The following IQCM variants were observed in gnomAD, a reference collection of about 807,000 sequenced individuals.
The protein encoded by IQCM is IQ motif containing M, also known as IQ domain-containing protein M.
In IQCM, 45 loss-of-function variants were observed where a neutral mutation model predicts 57.6. The observed-to-expected ratio is 0.78, with a 90% CI of 0.62 to 1.00. IQCM has a LOEUF of 1.00. Ranked by LOEUF, IQCM falls within the 50% of genes least tolerant of loss-of-function variation. The pLI, the probability that IQCM is intolerant of heterozygous loss-of-function variation, is 0.00. For missense variants in IQCM, 468 were observed against 511.6 expected (o/e 0.91, Z 0.82); for synonymous variants, 148 against 158.9 (o/e 0.93, Z 0.51).
chr4:149,465,759 G>A (rs568184074), intron 12 of IQCM, among the ~76,000 whole-genome samples: 1 of 151,248 alleles, frequency 6.6e-6, no homozygotes, highest in Non-Finnish European at 1.5e-5. Flanking sequence ...TTTGTTTCTA[G>A]TTGGCCATGT....
At chr4:149,502,202 G>A (rs1370961996) in intron 12 of IQCM, among the ~76,000 whole-genome samples, 2 of 151,438 alleles carry the variant, frequency 1.3e-5, no homozygotes, top group East Asian at 3.9e-4. Context: ...TTTTCCCTAA[G>A]TACCTTATTA....
intron 8 of IQCM, among the ~76,000 whole-genome samples, chr4:149,593,440 C>T (rs1300941228): frequency 6.6e-6 from 1 of 152,006 alleles, no homozygotes; most frequent in Admixed American, 6.6e-5. Context: ...TAATTGAATA[C>T]CCTTTATTTC....
chr4:149,523,395 T>C (rs1745853483), intron 12 of IQCM, among the ~76,000 whole-genome samples: 1 of 151,880 alleles, frequency 6.6e-6, no homozygotes, highest in Non-Finnish European at 1.5e-5. Flanking sequence ...TTGAAAAAAA[T>C]CCTCAGGTTG....
At chr4:149,812,308 T>C (rs1297991484) in intron 2 of IQCM, among the ~76,000 whole-genome samples, 1 of 152,146 alleles carries the variant, frequency 6.6e-6, no homozygotes, top group East Asian at 1.9e-4. Context: ...ATTAGTTACA[T>C]GTTTTTTAAC....
At chr4:149,476,833 C>G (rs910652578) in intron 12 of IQCM, among the ~76,000 whole-genome samples, 3 of 152,156 alleles carry the variant, frequency 2.0e-5, no homozygotes, top group African/African-American at 7.2e-5. Flanking sequence ...AAAACCTTCT[C>G]CATCTCAGAT....
chr4:149,379,784 T>C (rs1284577696), intron 13 of IQCM, among the ~76,000 whole-genome samples: 1 of 152,144 alleles, frequency 6.6e-6, no homozygotes, highest in Non-Finnish European at 1.5e-5. Flanking sequence ...TGTTTTGAAA[T>C]GTGAAGATAT....
At position 149,553,342 on chromosome 4, in the gene IQCM, T is replaced by G. The variant is rs577172277; in HGVS notation, c.949-55A>C. On this transcript the variant is annotated intron_variant, in intron 10 of 13. Transcript: ENST00000636793. ...TTCTGGTATTTATATTTAATTTGAT[T>G]TCGCCTCTTTCATTTAGTCTATTTC... The G allele has an allele frequency of 3.4e-5, 41 of 1,197,488 alleles. No homozygotes were observed. The African/African-American group carries it at 6.4e-4, about 19-fold the overall frequency. The allele number at this position is 1,197,488 out of a possible 1,614,324, so 74.2% of individuals were successfully genotyped here. A position where few individuals can be genotyped will look rare whatever the true frequency, so the allele number is the denominator to read the frequency against.
chr4:149,798,643 GA>G (rs759082278), intron 2 of IQCM, among the ~76,000 whole-genome samples: 2 of 152,014 alleles, frequency 1.3e-5, no homozygotes, highest in South Asian at 4.2e-4. Flanking sequence ...AAAATAAAGG[GA>G]TGGAAAAAGA....
intron 10 of IQCM, among the ~76,000 whole-genome samples, chr4:149,557,747 C>T (rs181840785): frequency 7.0e-4 from 107 of 152,302 alleles, no homozygotes; most frequent in Non-Finnish European, 1.1e-3. Flanking sequence ...TCTCACTTAA[C>T]GCTAATCTTG....
chr4:149,612,502 T>C (rs941117029), intron 8 of IQCM, among the ~76,000 whole-genome samples: 11 of 152,258 alleles, frequency 7.2e-5, no homozygotes, highest in Non-Finnish European at 1.5e-4. Flanking sequence ...AATACATATG[T>C]ATGTTCATTT....
intron 13 of IQCM, among the ~76,000 whole-genome samples, chr4:149,411,881 T>C (rs774058949): frequency 7.9e-5 from 12 of 152,222 alleles, no homozygotes; most frequent in Non-Finnish European, 1.5e-4. Context: ...GGAGCTGAGA[T>C]TGAGCCCAGA....
chr4:149,356,155 G>A (rs1728960265), intron 13 of IQCM, among the ~76,000 whole-genome samples: 1 of 152,192 alleles, frequency 6.6e-6, no homozygotes, highest in South Asian at 2.1e-4. Context: ...CCGTTTGTCA[G>A]ATGAGTAAGT....
chr4:149,357,616 G>A (rs1035073002), intron 13 of IQCM, among the ~76,000 whole-genome samples: 1 of 152,178 alleles, frequency 6.6e-6, no homozygotes, highest in African/African-American at 2.4e-5. Flanking sequence ...TGGTGGATAA[G>A]CTTTTTGATG....
chr4:149,517,933 A>G (rs1745156014), intron 12 of IQCM, among the ~76,000 whole-genome samples: 1 of 152,102 alleles, frequency 6.6e-6, no homozygotes. Flanking sequence ...GTGAGTTAAT[A>G]CTACTTAATA....
intron 5 of IQCM, among the ~76,000 whole-genome samples, chr4:149,712,301 G>C (rs1357719588): frequency 6.6e-6 from 1 of 151,946 alleles, no homozygotes; most frequent in Non-Finnish European, 1.5e-5. Flanking sequence ...CAGTGATTAG[G>C]ATTGATCTCT....
At chr4:149,501,502 G>A (rs1743235052) in intron 12 of IQCM, among the ~76,000 whole-genome samples, 1 of 152,076 alleles carries the variant, frequency 6.6e-6, no homozygotes, top group Non-Finnish European at 1.5e-5. Context: ...TGAAGGGCCT[G>A]CTCATTGCTC....
chr4:149,673,062 GACAA>G (rs1486449453), intron 7 of IQCM, among the ~76,000 whole-genome samples: 3 of 152,230 alleles, frequency 2.0e-5, no homozygotes, highest in East Asian at 1.9e-4. Context: ...ATCCTTTACA[GACAA>G]ACAAAGGCTG....
chr4:149,768,582 T>G (rs1391058553), intron 2 of IQCM, among the ~76,000 whole-genome samples: 1 of 152,096 alleles, frequency 6.6e-6, no homozygotes, highest in Non-Finnish European at 1.5e-5. Flanking sequence ...ACACAACCCT[T>G]AGGAACTTGA....
intron 13 of IQCM, among the ~76,000 whole-genome samples, chr4:149,428,120 A>T (rs1237184809): frequency 2.0e-5 from 3 of 151,876 alleles, no homozygotes; most frequent in African/African-American, 7.2e-5. Context: ...ATCCTACAGA[A>T]CACTTCAAAG....
Sources: gnomAD v4.1 joint callset for allele counts (sites outside exome capture counted in the v4.1 genomes callset) on GRCh38, gnomAD v4.1.1 for gene constraint, MANE v1.5 for transcripts, NCBI Gene and HGNC (gene_info 2026-07-23, HGNC 2026-07-21) for gene names.